Variants in RRM2 observed in about 807,000 individuals in gnomAD.
RRM2 encodes the protein ribonucleotide reductase regulatory subunit M2.
Under a neutral mutation model 45.9 loss-of-function variants are expected in RRM2, and 6 were observed. That is an observed-to-expected ratio of 0.13 (90% CI 0.07 to 0.26). The LOEUF (loss-of-function observed/expected upper bound fraction) is 0.26, where lower values mean the gene tolerates loss of function less well. RRM2 is among the 10% of genes least tolerant of loss of function. The pLI is 1.00. For synonymous variants in RRM2, 177 were observed against 173.0 expected (o/e 1.02, Z -0.18); for missense variants, 343 against 489.5 (o/e 0.70, Z 2.82).
chr2:10,167,749 C>T (rs913653642), intron 3 of RRM2, among the ~76,000 whole-genome samples: 3 of 152,190 alleles, frequency 2.0e-5, no homozygotes, highest in Non-Finnish European at 2.9e-5. Context: ...CTCTTCATGG[C>T]AGAGACCTAT....
intron 3 of RRM2, among the ~76,000 whole-genome samples, chr2:10,162,983 G>C (rs1283136501): frequency 6.6e-6 from 1 of 152,214 alleles, no homozygotes; most frequent in East Asian, 1.9e-4. Context: ...AGTCTGCACG[G>C]GGCTGCCAGT....
intron 3 of RRM2, among the ~76,000 whole-genome samples, chr2:10,165,646 A>C (rs1383847311): frequency 3.9e-5 from 6 of 152,352 alleles, no homozygotes; most frequent in African/African-American, 1.2e-4. Flanking sequence ...ATTCATCATC[A>C]TCACCGCTCT....
chr2:10,131,496 T>G (rs995175760), downstream of RRM2: 1 of 152,216 alleles, frequency 6.6e-6, no homozygotes, highest in African/African-American at 2.4e-5. Context: ...CCCAGCACTT[T>G]GGGAGACCAA....
intron 3 of RRM2, among the ~76,000 whole-genome samples, chr2:10,177,822 A>C (rs1246901309): frequency 6.7e-6 from 1 of 150,188 alleles, no homozygotes; most frequent in Non-Finnish European, 1.5e-5. Context: ...AGGCTTCACT[A>C]TGTTGACCAG....
rs1663828852 is a variant in RRM2, at chr2:10,172,723, G to T, written n.482+30348G>T. Among the ~76,000 whole-genome samples, 1 of 152,160 alleles carries T rather than the reference G, an allele frequency of 6.6e-6. No homozygotes were observed. Among genetic ancestry groups the T allele is most frequent in the African/African-American group, 2.4e-5 (1 of 41,414 alleles). ...GGCGAAGGGAGGGGCTGGGTGTGTT[G>T]TTGCTGCACCCAGGACTGCCCACAT... On this transcript the variant is annotated intron_variant and non_coding_transcript_variant, in intron 3 of 3. Coordinates refer to the RRM2 transcript ENST00000381786. The surrounding 1 kb of genome is among the most constrained non-coding windows in gnomAD (Gnocchi z 4.9).
intron 3 of RRM2, among the ~76,000 whole-genome samples, chr2:10,193,180 C>T (rs1235961776): frequency 1.3e-5 from 2 of 152,292 alleles, no homozygotes; most frequent in East Asian, 3.9e-4. Flanking sequence ...CAGCTTGGAT[C>T]TCGGGGGGCT....
At chr2:10,123,672 A>G in intron 3 of RRM2, 64 bp from the exon 4 acceptor site, 1 of 1,386,846 alleles carries the variant, frequency 7.2e-7, no homozygotes, top group Non-Finnish European at 1.0e-6. Context: ...TTGAGTGCTC[A>G]GTGTGAGTCC....
At chr2:10,146,078 C>T (rs1663180292) in intron 3 of RRM2, 1 of 152,272 alleles carries the variant, frequency 6.6e-6, no homozygotes, top group African/African-American at 2.4e-5. Context: ...ATCCTGGGCA[C>T]CCTGCACCAG....
chr2:10,174,516 C>T (rs967508370), intron 3 of RRM2, among the ~76,000 whole-genome samples: 48 of 151,810 alleles, frequency 3.2e-4, no homozygotes, highest in Admixed American at 2.8e-3. Flanking sequence ...GAAACATTAC[C>T]CGAGGGGTCA....
intron 3 of RRM2, among the ~76,000 whole-genome samples, chr2:10,166,749 G>C (rs915331021): frequency 3.3e-5 from 5 of 152,214 alleles, no homozygotes; most frequent in African/African-American, 1.2e-4. Flanking sequence ...GCAGTGCCTT[G>C]TCATCACATT....
rs1663818849 is a variant in RRM2, at chr2:10,172,156, C to T, written n.482+29781C>T. 6.6e-6 allele frequency among the ~76,000 whole-genome samples: 1 copy of T among 152,190 alleles called. No homozygotes were observed. The highest frequency in any genetic ancestry group is 2.1e-4 in the South Asian group (1 of 4,834). On this transcript the variant is annotated intron_variant and non_coding_transcript_variant, in intron 3 of 3. Coordinates refer to the RRM2 transcript ENST00000381786. This position sits in a 1 kb window ranked among gnomAD's most constrained non-coding sequence, Gnocchi z 4.9. ...CCAGACAGACCTGGGCTGAGTCCTG[C>T]CCTACATACTAACTAGCCTGCTGTG...
At chr2:10,135,150 T>A (rs981583996), downstream of RRM2, among the ~76,000 whole-genome samples, 7 of 152,190 alleles carry the variant, frequency 4.6e-5, no homozygotes, top group African/African-American at 1.7e-4. Context: ...TCCTAGCGAA[T>A]TGAGCCAAAA....
rs768505785 is a variant in RRM2 at position 10,171,141 on chromosome 2, G to T, written n.482+28766G>T. Among the ~76,000 whole-genome samples, 4 of 152,250 alleles carry T rather than the reference G, an allele frequency of 2.6e-5. No homozygotes were observed. Among genetic ancestry groups the T allele is most frequent in the Non-Finnish European group, 4.4e-5 (3 of 68,040 alleles). ...GCTGCGGGGCCTGCACAGACCCCAG[G>T]CATCGAGCCTGCGATGGGGCAACGT... On this transcript the variant is annotated intron_variant and non_coding_transcript_variant, in intron 3 of 3. Transcript: ENST00000381786. The surrounding 1 kb of genome is among the most constrained non-coding windows in gnomAD (Gnocchi z 4.1).
At position 10,131,280 on chromosome 2, in the gene RRM2, G is replaced by A. The variant is rs1662895987; in HGVS notation, c.*1894G>A. On this transcript the variant is annotated 3_prime_UTR_variant, in exon 10 of 10. Transcript: ENST00000304567. ...GGTTTTAGGATTCTGTCTCTCATTA[G>A]CTGAATAATGTGAGGATTAACTTCT... 1 of 152,196 alleles carries A rather than the reference G, an allele frequency of 6.6e-6. No individual in the cohort carries two copies. Among genetic ancestry groups the A allele is most frequent in the South Asian group, 2.1e-4 (1 of 4,832 alleles). 9.4% of individuals were successfully genotyped at this position (152,196 alleles called of 1,614,324 possible). A position where few individuals can be genotyped will look rare whatever the true frequency, so the allele number is the denominator to read the frequency against.
In RRM2 at chr2:10,128,918, G is replaced by C; in HGVS notation, c.869G>C (p.Arg290Thr). The change falls in exon 8 of 10, where the codon AGA (arginine) becomes ACA (threonine). Residue 290 changes from arginine to threonine, a missense_variant. This residue lies in a region of RRM2 where 212 missense variants were observed against 368.1 expected (regional missense o/e 0.58). Transcript: ENST00000304567. Reference protein sequence around the residue: ...LVHKPSEERVREIIINAVRIE... With the variant: ...LVHKPSEERVTEIIINAVRIE... ...CACAAACCATCGGAGGAGAGAGTAA[G>C]AGAAATAATTATCAATGCTGTTCGG... 6.2e-7 allele frequency: 1 copy of C among 1,614,164 alleles called. No individual in the cohort carries two copies. Among genetic ancestry groups the C allele is most frequent in the Non-Finnish European group, 8.5e-7 (1 of 1,180,004 alleles).
chr2:10,162,298 C>G (rs1663578224), intron 3 of RRM2, among the ~76,000 whole-genome samples: 1 of 152,178 alleles, frequency 6.6e-6, no homozygotes, highest in Non-Finnish European at 1.5e-5. Context: ...CTCAGTCAAT[C>G]AAAACGCTGC....
At chr2:10,161,680 TCACACA>T (rs59307518) in intron 3 of RRM2, among the ~76,000 whole-genome samples, 3 of 149,908 alleles carry the variant, frequency 2.0e-5, no homozygotes, top group African/African-American at 7.3e-5. Flanking sequence ...ACACACACAT[TCACACA>T]CACACACACA....
intron 3 of RRM2, among the ~76,000 whole-genome samples, chr2:10,184,571 G>A (rs1664125161): frequency 6.6e-6 from 1 of 152,252 alleles, no homozygotes; most frequent in Non-Finnish European, 1.5e-5. Context: ...GAGGCCTGGG[G>A]CAGGCGGGAC....
rs374312573 is a variant in RRM2 at position 10,189,698 on chromosome 2, T to C, written n.483-20613T>C. ...TCTCCTAGTCTAGTTTTTTCATTCA[T>C]GTCAAGGGAACACCACTACTGACCT... On this transcript the variant is annotated intron_variant and non_coding_transcript_variant, in intron 3 of 3. Coordinates refer to the RRM2 transcript ENST00000381786. Among the ~76,000 whole-genome samples the C allele has an allele frequency of 1.9e-4, 29 of 152,334 alleles. 2 individuals are homozygous for C. Among genetic ancestry groups the C allele is most frequent in the Admixed American group, 1.2e-3 (18 of 15,306 alleles).
Sources: allele counts gnomAD v4.1 joint callset (sites outside exome capture counted in the v4.1 genomes callset), GRCh38; gene constraint gnomAD v4.1.1; regional missense constraint gnomAD v4.1.1; non-coding constraint Gnocchi (gnomAD v3.1); transcripts MANE v1.5; gene names NCBI Gene and HGNC (gene_info 2026-07-23, HGNC 2026-07-21).